The following GABRG3 variants were observed in gnomAD, a reference collection of about 807,000 sequenced individuals.
GABRG3 encodes the protein gamma-aminobutyric acid type A receptor subunit gamma3, also known as gamma-aminobutyric acid receptor subunit gamma-3.
A neutral mutation model predicts 48.8 loss-of-function variants in GABRG3; 25 were observed. The ratio of observed to expected loss-of-function variants is 0.51; its 90% confidence interval spans 0.37 to 0.72. GABRG3 has a LOEUF of 0.72. GABRG3 is among the 30% of genes least tolerant of loss of function. The pLI is 0.00. For missense variants in GABRG3, 394 were observed against 577.9 expected (o/e 0.68, Z 3.26); for synonymous variants, 227 against 217.6 (o/e 1.04, Z -0.38).
At position 27,369,668 on chromosome 15, in the gene GABRG3, G is replaced by A. The variant is rs148101683; in HGVS notation, c.574+40780G>A. The stretch of plus-strand genomic sequence containing the variant: ...TAAAAATACAAAAAATTAACCAGAC[G>A]TGGTAGCGGGCACCTGTGGTCCCAG... On this transcript the variant is annotated intron_variant, in intron 5 of 9. Coordinates refer to ENST00000615808, the MANE Select transcript of GABRG3 (RefSeq NM_033223.5). 8.7e-3 allele frequency among the ~76,000 whole-genome samples: 1,320 copies of A among 151,940 alleles called. 6 individuals are homozygous for A. The highest frequency in any genetic ancestry group is 0.015 in the Non-Finnish European group (1,001 of 67,942).
intron 2 of GABRG3, among the ~76,000 whole-genome samples, chr15:27,009,899 C>T (rs999485524): frequency 6.6e-6 from 1 of 152,048 alleles, no homozygotes; most frequent in African/African-American, 2.4e-5. Context: ...CCTCCACCAC[C>T]TCTTCCTCCT....
chr15:27,050,911 C>A (rs904282435), intron 3 of GABRG3, among the ~76,000 whole-genome samples: 2 of 152,068 alleles, frequency 1.3e-5, no homozygotes, highest in African/African-American at 4.8e-5. Flanking sequence ...CCTGCTATTG[C>A]AAATTATGTA....
chr15:27,309,265 CACAT>C (rs1305427227), intron 3 of GABRG3, among the ~76,000 whole-genome samples: 2 of 151,178 alleles, frequency 1.3e-5, no homozygotes, highest in Non-Finnish European at 3.0e-5. Context: ...TATACACGTA[CACAT>C]ACATATGTAT....
chr15:27,385,476 C>T (rs966468847), intron 5 of GABRG3, among the ~76,000 whole-genome samples: 6 of 151,912 alleles, frequency 3.9e-5, no homozygotes, highest in Admixed American at 3.3e-4. Context: ...TCGCGTCTCT[C>T]CTCTCGTTCT....
intron 5 of GABRG3, among the ~76,000 whole-genome samples, chr15:27,407,962 AC>A (rs1405163848): frequency 5.3e-5 from 8 of 152,168 alleles, no homozygotes; most frequent in Admixed American, 2.6e-4. Context: ...TGAACCACGG[AC>A]TTTGTGTGAC....
intron 3 of GABRG3, among the ~76,000 whole-genome samples, chr15:27,278,081 T>G (rs138428675): frequency 0.017 from 2,527 of 151,684 alleles, 73 homozygotes; most frequent in African/African-American, 0.058. Flanking sequence ...AAACGTAGTC[T>G]CACTGTGTTG....
In GABRG3 at chr15:27,236,617, C is replaced by T. The variant is rs545850600; in HGVS notation, c.271-90192C>T. Among the ~76,000 whole-genome samples, 9 of 152,304 alleles carry T rather than the reference C, an allele frequency of 5.9e-5. No homozygotes were observed. Among genetic ancestry groups the T allele is most frequent in the South Asian group, 2.1e-4 (1 of 4,822 alleles). ...CTCTTTACAGCCTCAGCGTGACAGC[C>T]CACCAGTTTCACAATACACCTGTTC... On this transcript the variant is annotated intron_variant, in intron 3 of 9. Coordinates refer to ENST00000615808, the MANE Select transcript of GABRG3 (RefSeq NM_033223.5). The surrounding 1 kb of genome is among the most constrained non-coding windows in gnomAD (Gnocchi z 4.4).
chr15:27,405,609 C>T (rs1229989760), intron 5 of GABRG3, among the ~76,000 whole-genome samples: 2 of 152,148 alleles, frequency 1.3e-5, no homozygotes, highest in East Asian at 3.8e-4. Context: ...TAAAAATGTT[C>T]ATTGCAATAC....
chr15:27,250,859 G>A (rs1401916424), intron 3 of GABRG3, among the ~76,000 whole-genome samples: 3 of 149,820 alleles, frequency 2.0e-5, no homozygotes, highest in Admixed American at 6.6e-5. Context: ...GGACGTGGAC[G>A]GCAGCTGCTC....
chr15:27,063,265 T>G (rs1201675537), intron 3 of GABRG3, among the ~76,000 whole-genome samples: 1 of 152,192 alleles, frequency 6.6e-6, no homozygotes, highest in Non-Finnish European at 1.5e-5. Flanking sequence ...GTGGACGTTT[T>G]CAGGTGGAGA....
chr15:27,057,889 G>A (rs1366145364), intron 3 of GABRG3, among the ~76,000 whole-genome samples: 1 of 152,210 alleles, frequency 6.6e-6, no homozygotes, highest in African/African-American at 2.4e-5. Flanking sequence ...GGAAAGTCAT[G>A]ACAGTCCGCT....
chr15:27,364,373 C>G (rs1895121648), intron 5 of GABRG3: 1 of 152,526 alleles, frequency 6.6e-6, no homozygotes, highest in South Asian at 2.1e-4. Flanking sequence ...TGACTCCGGG[C>G]TGGACTCTGG....
At chr15:27,349,933 G>A (rs1894500165) in intron 5 of GABRG3, among the ~76,000 whole-genome samples, 1 of 4,256 alleles carries the variant, frequency 2.3e-4, no homozygotes, top group Non-Finnish European at 4.3e-4. Flanking sequence ...CTGCCCTAAG[G>A]TCTTTTTTTT....
chr15:27,457,105 C>T lies in GABRG3; in HGVS notation c.575-23545C>T, dbSNP rs1889306577. Among the ~76,000 whole-genome samples, 1 of 152,184 alleles carries T rather than the reference C, an allele frequency of 6.6e-6. No homozygotes were observed. The highest frequency in any genetic ancestry group is 1.5e-5 in the Non-Finnish European group (1 of 68,046). On this transcript the variant is annotated intron_variant, in intron 5 of 9. Transcript: ENST00000615808. This position sits in a 1 kb window ranked among gnomAD's most constrained non-coding sequence, Gnocchi z 4.4. ...GGCCTCACCTTCTCCAGCAGCTTGA[C>T]ACCAACACGGTGGGTGTGAGTGGAG...
rs1448978911 is a variant in GABRG3, at chr15:27,313,278, A to ATATATATG, written c.271-13524_271-13523insGTATATAT. ...TGTGTGTGTGTATATATATATATATATATATATATATATATATATATATAT... is the reference window on the plus strand; with the variant it reads ...TGTGTGTGTGTATATATATATATATATATATATGTATATATATATATATATATATATAT... On this transcript the variant is annotated intron_variant, in intron 3 of 9. Transcript: ENST00000615808. 3.8e-5 allele frequency among the ~76,000 whole-genome samples: 3 copies of ATATATATG among 79,832 alleles called. No individual in the cohort carries two copies. In the East Asian group the frequency reaches 1.6e-3, roughly 42 times the overall value. 52.4% of individuals were successfully genotyped at this position (79,832 alleles called of 152,430 possible).
At chr15:27,104,878 T>C (rs1380427665) in intron 3 of GABRG3, among the ~76,000 whole-genome samples, 1 of 152,172 alleles carries the variant, frequency 6.6e-6, no homozygotes, top group Non-Finnish European at 1.5e-5. Flanking sequence ...AGGAAACAGA[T>C]AGAATAATTT....
intron 3 of GABRG3, among the ~76,000 whole-genome samples, chr15:27,237,731 CAT>C (rs1182497799): frequency 1.3e-5 from 2 of 152,242 alleles, no homozygotes; most frequent in African/African-American, 2.4e-5. Context: ...GCACCCACAA[CAT>C]AAAGCTTTGT....
At chr15:27,193,428 C>T (rs1183247016) in intron 3 of GABRG3, among the ~76,000 whole-genome samples, 5 of 151,178 alleles carry the variant, frequency 3.3e-5, no homozygotes, top group Admixed American at 1.3e-4. Flanking sequence ...CAATGGCGGG[C>T]GCCCCTCCCC....
intron 3 of GABRG3, among the ~76,000 whole-genome samples, chr15:27,183,142 A>G (rs1379797996): frequency 6.6e-6 from 1 of 151,948 alleles, no homozygotes; most frequent in Non-Finnish European, 1.5e-5. Flanking sequence ...CCCTATGAAC[A>G]GGCAGCGAAA....
Sources: allele counts gnomAD v4.1 joint callset (sites outside exome capture counted in the v4.1 genomes callset), GRCh38; gene constraint gnomAD v4.1.1; non-coding constraint Gnocchi (gnomAD v3.1); transcripts MANE v1.5; gene names NCBI Gene and HGNC (gene_info 2026-07-23, HGNC 2026-07-21).